VWF: variants seen among roughly 807,000 people sequenced by gnomAD.
VWF encodes von Willebrand factor, also known as Factor VIII related antigen.
VWF carries 176 observed loss-of-function variants against 308.6 expected under a neutral mutation model. The ratio of observed to expected loss-of-function variants is 0.57; its 90% CI spans 0.50 to 0.65. The LOEUF (loss-of-function observed/expected upper bound fraction) is 0.65, where lower values mean the gene tolerates loss of function less well. Among genes scored for constraint, VWF ranks in the 30% least tolerant of loss-of-function variants. The pLI is 0.00. For missense variants in VWF, 3,146 were observed against 3,648.2 expected, an observed-to-expected ratio of 0.86 and a Z score of 3.55; for synonymous variants, 1,385 against 1,443.4, an observed-to-expected ratio of 0.96 and a Z score of 0.92.
chr12:6,044,458 G>A lies in VWF; in HGVS notation c.2282-7C>T. 1.2e-6 allele frequency: 2 copies of A among 1,613,852 alleles called. No individual in the cohort carries two copies. The highest frequency in any genetic ancestry group is 8.5e-7 in the Non-Finnish European group (1 of 1,179,918). ...CAGGATAGGCTCCTTTTGCCTCGAAGGTAGGAAAAGCAAAGAGATGATTAG... is the reference window on the plus strand; with the variant it reads ...CAGGATAGGCTCCTTTTGCCTCGAAAGTAGGAAAAGCAAAGAGATGATTAG... On this transcript the variant is annotated splice_region_variant and splice_polypyrimidine_tract_variant and intron_variant, in intron 17 of 51. Transcript: ENST00000261405.
intron 47 of VWF, among the ~76,000 whole-genome samples, chr12:5,962,398 A>G (rs1298823995): frequency 6.6e-6 from 1 of 152,186 alleles, no homozygotes; most frequent in Non-Finnish European, 1.5e-5. Flanking sequence ...GAAAAACAGC[A>G]AAGTTGAAAA....
chr12:6,110,609 G>C, intron 4 of VWF, 27 bp from the exon 5 acceptor site: 1 of 1,610,602 alleles, frequency 6.2e-7, no homozygotes, highest in Non-Finnish European at 8.5e-7. Context: ...AAGTTCAGAA[G>C]TGGGCTTCTT....
chr12:5,960,332 G>A (rs183686818), intron 47 of VWF, among the ~76,000 whole-genome samples: 64 of 151,962 alleles, frequency 4.2e-4, no homozygotes, highest in Non-Finnish European at 7.5e-4. Context: ...TAGAAAATCC[G>A]TTTTTTTATT....
rs779703153 is a variant in VWF, at chr12:6,103,371, T to TGTGTGTGTATACAC, written c.532+6989_532+7002dup. On this transcript the variant is annotated intron_variant, in intron 5 of 51. Transcript: ENST00000261405. ...GTGTGTATATATACATATATATGTGTGTGTGTGTATACACGTGTGTGTATA... is the reference window on the plus strand; with the variant it reads ...GTGTGTATATATACATATATATGTGTGTGTGTGTATACACGTGTGTGTATACACGTGTGTGTATA... Among the ~76,000 whole-genome samples the TGTGTGTGTATACAC allele has an allele frequency of 6.4e-4, 86 of 134,490 alleles. 1 individual carries two copies. Among genetic ancestry groups the TGTGTGTGTATACAC allele is most frequent in the South Asian group, 1.3e-3 (6 of 4,494 alleles). 88.2% of individuals were successfully genotyped at this position (134,490 alleles called of 152,430 possible). A position where few individuals can be genotyped will look rare whatever the true frequency, so the allele number is the denominator to read the frequency against.
At position 6,121,259 on chromosome 12, in the gene VWF, G is replaced by A. The variant is rs370840325; in HGVS notation, c.135C>T (p.Thr45=). ...CSLFGSDFVN[T]FDGSMYSFAG... ...CAAAGCTGTACATGCTCCCATCAAA[G>A]GTGTTGACGAAGTCACTTCCGAAAA... The change falls in exon 3 of 52, where the codon ACC becomes ACT. Residue 45 remains threonine, a synonymous_variant. Transcript: ENST00000261405. The A allele has an allele frequency of 5.0e-6, 8 of 1,614,218 alleles. No homozygotes were observed. Among genetic ancestry groups the A allele is most frequent in the Non-Finnish European group, 6.8e-6 (8 of 1,180,036 alleles).
intron 6 of VWF, among the ~76,000 whole-genome samples, chr12:6,092,607 G>T (rs200691813): frequency 0.017 from 1,236 of 74,384 alleles, 64 homozygotes; most frequent in African/African-American, 0.1. Context: ...GCTAGTTAGT[G>T]AGTGAGTGAG....
At chr12:6,038,443 G>C (rs1366109110) in intron 18 of VWF, among the ~76,000 whole-genome samples, 1 of 152,166 alleles carries the variant, frequency 6.6e-6, no homozygotes, top group African/African-American at 2.4e-5. Flanking sequence ...GGGCAGGCCG[G>C]GCTGGGGGCT....
At chr12:6,016,056 T>C in intron 31 of VWF, 33 bp downstream of exon 31, 6 of 1,613,770 alleles carry the variant, frequency 3.7e-6, no homozygotes, top group Non-Finnish European at 5.1e-6. Context: ...AGTCTCGCTC[T>C]CCTGAATTGA....
At chr12:6,118,001 G>A (rs536464261) in intron 3 of VWF, among the ~76,000 whole-genome samples, 24 of 152,198 alleles carry the variant, frequency 1.6e-4, no homozygotes, top group Non-Finnish European at 2.9e-4. Flanking sequence ...CAGTGAGCAC[G>A]AGTTGATGAG....
rs1012488531 is a variant in VWF, at chr12:6,121,263, T to C, written c.131A>G (p.Asn44Ser). The C allele has an allele frequency of 2.5e-6, 4 of 1,614,098 alleles. No individual in the cohort carries two copies. The highest frequency in any genetic ancestry group is 3.4e-6 in the Non-Finnish European group (4 of 1,180,034). Reference protein sequence around the residue: ...RCSLFGSDFVNTFDGSMYSFA... With the variant: ...RCSLFGSDFVSTFDGSMYSFA... ...GCTGTACATGCTCCCATCAAAGGTG[T>C]TGACGAAGTCACTTCCGAAAAGGCT... Residue 44 changes from asparagine to serine, a missense_variant, in exon 3 of 52, where the codon AAC (asparagine) becomes AGC (serine). Asn to Ser is a conservative substitution (Grantham distance 46). This residue lies in a region of VWF where 1,304 missense variants were observed against 1,353.0 expected (regional missense o/e 0.96). Transcript: ENST00000261405.
chr12:5,990,367 C>T (rs566064199), intron 38 of VWF, among the ~76,000 whole-genome samples: 4 of 152,248 alleles, frequency 2.6e-5, no homozygotes, highest in Non-Finnish European at 4.4e-5. Flanking sequence ...GCGATTATGA[C>T]CCTATAGAGC....
At chr12:5,967,375 A>G (rs1301436504) in intron 47 of VWF, 111 bp downstream of exon 47, 2 of 922,314 alleles carry the variant, frequency 2.2e-6, no homozygotes, top group Non-Finnish European at 3.6e-6. Flanking sequence ...TATTGTTTAT[A>G]ATCAGAAAAT....
At chr12:6,080,790 C>T (rs552397527) in intron 6 of VWF, among the ~76,000 whole-genome samples, 7 of 152,332 alleles carry the variant, frequency 4.6e-5, no homozygotes, top group South Asian at 2.1e-4. Context: ...GTCTACTTTC[C>T]GCCTGTTCCC....
intron 34 of VWF, among the ~76,000 whole-genome samples, chr12:6,006,124 G>A (rs1365282518): frequency 6.6e-6 from 1 of 152,084 alleles, no homozygotes; most frequent in Non-Finnish European, 1.5e-5. Flanking sequence ...TGGGGGAGAG[G>A]CAGTAAAAGA....
Position 6,021,926 on chromosome 12 carries a change from G to C in VWF, c.3648C>G (p.Pro1216=), listed in dbSNP as rs565199357. The change falls in exon 27 of 52, where the codon CCC becomes CCG. Residue 1216 remains proline (P), a synonymous_variant. Transcript: ENST00000261405. ...AAATCTGGCAGTGCTCAGGGTCACT[G>C]GGATTCAAGGTGACTTTCTTTCCTG... is the stretch of plus-strand genomic sequence containing the variant. The part of the protein sequence containing the change: ...FASGKKVTLN[P]SDPEHCQICH... 1.2e-6 allele frequency: 2 copies of C among 1,614,162 alleles called. No individual in the cohort carries two copies. The highest frequency in any genetic ancestry group is 3.3e-5 in the Admixed American group (2 of 60,030).
intron 46 of VWF, 119 bp downstream of exon 46, chr12:5,968,008 G>T: frequency 7.1e-7 from 1 of 1,400,050 alleles, no homozygotes. Context: ...TGGAAAGCTG[G>T]GGTTGGGTCT....
Position 5,993,990 on chromosome 12 carries a change from G to A in VWF, c.6470C>T (p.Ala2157Val), listed in dbSNP as rs1276458189. The A allele has an allele frequency of 4.3e-6, 7 of 1,614,162 alleles. No individual in the cohort carries two copies. Among genetic ancestry groups the A allele is most frequent in the Non-Finnish European group, 5.9e-6 (7 of 1,180,032 alleles). ...CTGCTGGCAGATGGCATAGAATGTG[G>A]CTGGAGCCAGGACCTTGTGGCATTC... ...FAECHKVLAP[A>V]TFYAICQQDS... Residue 2157 changes from alanine (A) to valine (V), a missense_variant, in exon 37 of 52, where the codon GCC becomes GTC. Around this residue, in one of 3 missense-constraint regions of VWF, gnomAD observed 989 missense variants for 1,117.4 expected, o/e 0.89. Coordinates refer to ENST00000261405, the MANE Select transcript of VWF (RefSeq NM_000552.5).
chr12:5,985,391 G>C (rs1001176405), intron 39 of VWF, among the ~76,000 whole-genome samples, 172 bp downstream of exon 39: 1 of 152,190 alleles, frequency 6.6e-6, no homozygotes, highest in Non-Finnish European at 1.5e-5. Context: ...GCAGAATGGG[G>C]CTCCCAGGCC....
chr12:6,037,579 T>G (rs1353361206), intron 18 of VWF, among the ~76,000 whole-genome samples: 2 of 152,216 alleles, frequency 1.3e-5, no homozygotes, highest in Non-Finnish European at 2.9e-5. Context: ...AAACCCACTC[T>G]GAGCTCAACA....
Sources: gnomAD v4.1 joint callset for allele counts (sites outside exome capture counted in the v4.1 genomes callset) on GRCh38, gnomAD v4.1.1 for gene constraint, gnomAD v4.1.1 regional missense constraint, MANE v1.5 for transcripts, NCBI Gene and HGNC (gene_info 2026-07-23, HGNC 2026-07-21) for gene names.